The following AGBL4 variants were observed in gnomAD, a reference collection of about 807,000 sequenced individuals.
AGBL4 encodes the protein AGBL carboxypeptidase 4.
AGBL4 carries 58 observed loss-of-function variants against 66.4 expected under a neutral mutation model. The ratio of observed to expected loss-of-function variants is 0.87; its 90% CI spans 0.71 to 1.09. The LOEUF is 1.09. Ranked by LOEUF, AGBL4 falls within the 50% of genes least tolerant of loss-of-function variation. AGBL4 has a pLI of 0.00. For missense variants in AGBL4, 579 were observed against 631.0 expected (o/e 0.92, Z 0.88); for synonymous variants, 234 against 222.9 (o/e 1.05, Z -0.44).
At chr1:49,843,867 C>T (rs1646067555) in intron 2 of AGBL4, among the ~76,000 whole-genome samples, 1 of 152,148 alleles carries the variant, frequency 6.6e-6, no homozygotes, top group South Asian at 2.1e-4. Flanking sequence ...GGGCAGCATG[C>T]ACCCAGGTCA....
At chr1:49,435,042 A>G (rs1645872352) in intron 3 of AGBL4, among the ~76,000 whole-genome samples, 1 of 152,076 alleles carries the variant, frequency 6.6e-6, no homozygotes, top group South Asian at 2.1e-4. Flanking sequence ...TTCTTTTTAT[A>G]TGATTAACCT....
intron 2 of AGBL4, among the ~76,000 whole-genome samples, chr1:49,769,703 G>A (rs1161214145): frequency 1.3e-5 from 2 of 151,986 alleles, no homozygotes; most frequent in African/African-American, 2.4e-5. Flanking sequence ...CAACAAAAAC[G>A]ATGGGGACAG....
intron 1 of AGBL4, among the ~76,000 whole-genome samples, chr1:49,971,914 T>G (rs1406649638): frequency 0.013 from 1,172 of 91,530 alleles, 71 homozygotes; most frequent in Non-Finnish European, 0.021. Flanking sequence ...TGGGTTTTTT[T>G]TTTTTTTTTT....
At chr1:49,611,399 T>C (rs942923607) in intron 3 of AGBL4, among the ~76,000 whole-genome samples, 8 of 136,206 alleles carry the variant, frequency 5.9e-5, no homozygotes, top group African/African-American at 1.1e-4. Context: ...TTTTTTGAGA[T>C]GGAGTCGCAC....
intron 1 of AGBL4, among the ~76,000 whole-genome samples, chr1:49,976,524 TTCAGGTAAAACTG>T (rs1186539052): frequency 6.6e-6 from 1 of 152,160 alleles, no homozygotes; most frequent in Non-Finnish European, 1.5e-5. Context: ...ATCTTTGTAA[TTCAGGTAAAACTG>T]TCCTCAGTTT....
intron 3 of AGBL4, among the ~76,000 whole-genome samples, chr1:49,635,016 G>A (rs576858372): frequency 3.7e-4 from 57 of 152,220 alleles, no homozygotes; most frequent in African/African-American, 1.3e-3. Context: ...TTCCTTTGAG[G>A]GTATCTTATG....
At chr1:49,837,288 A>G (rs1301587669) in intron 2 of AGBL4, among the ~76,000 whole-genome samples, 1 of 152,206 alleles carries the variant, frequency 6.6e-6, no homozygotes, top group Non-Finnish European at 1.5e-5. Flanking sequence ...CAGTCTGGCT[A>G]TAGCCACTTT....
At chr1:49,076,534 G>A (rs1408830217) in intron 4 of AGBL4, among the ~76,000 whole-genome samples, 1 of 152,128 alleles carries the variant, frequency 6.6e-6, no homozygotes, top group Non-Finnish European at 1.5e-5. Context: ...TTCTGTGACT[G>A]TGTTTTAATA....
At chr1:49,943,796 G>GGGA (rs760092353) in intron 1 of AGBL4, among the ~76,000 whole-genome samples, 2 of 151,966 alleles carry the variant, frequency 1.3e-5, no homozygotes, top group Non-Finnish European at 2.9e-5. Context: ...CAGAATTCAG[G>GGGA]GGAGGGCATG....
intron 3 of AGBL4, among the ~76,000 whole-genome samples, chr1:49,303,402 G>C (rs1192324040): frequency 1.3e-5 from 2 of 151,632 alleles, no homozygotes; most frequent in African/African-American, 4.9e-5. Flanking sequence ...TTTCTCTAAT[G>C]ATCAGTGATG....
At chr1:48,567,912 C>T (rs1028198055) in intron 11 of AGBL4, among the ~76,000 whole-genome samples, 3 of 152,154 alleles carry the variant, frequency 2.0e-5, no homozygotes, top group African/African-American at 7.2e-5. Flanking sequence ...TTGGGTCACT[C>T]CAGGCCTTGT....
chr1:49,672,317 A>G (rs971489117), intron 3 of AGBL4, among the ~76,000 whole-genome samples: 1 of 151,550 alleles, frequency 6.6e-6, no homozygotes, highest in Non-Finnish European at 1.5e-5. Context: ...GGAACAGGAA[A>G]CAACAGACAC....
At chr1:48,555,475 C>T (rs1237191365) in intron 11 of AGBL4, among the ~76,000 whole-genome samples, 1 of 152,132 alleles carries the variant, frequency 6.6e-6, no homozygotes, top group African/African-American at 2.4e-5. Context: ...CATGCTGAGG[C>T]ATGATGATCC....
At chr1:48,921,277 C>T (rs1571004734) in intron 5 of AGBL4, among the ~76,000 whole-genome samples, 1 of 152,138 alleles carries the variant, frequency 6.6e-6, no homozygotes, top group Middle Eastern at 3.2e-3. Flanking sequence ...GGACCTTTGG[C>T]TGAAAATAGC....
At chr1:48,981,488 T>C (rs561110867) in intron 5 of AGBL4, among the ~76,000 whole-genome samples, 2 of 152,252 alleles carry the variant, frequency 1.3e-5, no homozygotes, top group East Asian at 3.9e-4. Context: ...GGTTTTTCAA[T>C]AGTGAGTGCC....
At chr1:48,925,513 T>G (rs180733072) in intron 5 of AGBL4, among the ~76,000 whole-genome samples, 13 of 152,134 alleles carry the variant, frequency 8.5e-5, no homozygotes, top group East Asian at 7.7e-4. Flanking sequence ...GAGATTTTTT[T>G]TGTGTTTTTT....
chr1:49,623,022 A>T (rs141041075), intron 3 of AGBL4, among the ~76,000 whole-genome samples: 120 of 151,868 alleles, frequency 7.9e-4, no homozygotes, highest in African/African-American at 2.6e-3. Context: ...CCACACACAC[A>T]CTCTCTCTCT....
At chr1:49,472,812 T>G (rs1328066378) in intron 3 of AGBL4, among the ~76,000 whole-genome samples, 1 of 151,986 alleles carries the variant, frequency 6.6e-6, no homozygotes, top group Non-Finnish European at 1.5e-5. Flanking sequence ...AGCCAATGCC[T>G]CACGCCTTTC....
At chr1:49,143,928 A>G (rs1646166190) in intron 4 of AGBL4, among the ~76,000 whole-genome samples, 1 of 152,198 alleles carries the variant, frequency 6.6e-6, no homozygotes, top group African/African-American at 2.4e-5. Context: ...AAATAGCCCC[A>G]ATGCTATTGA....
Sources: gnomAD v4.1 joint callset for allele counts (sites outside exome capture counted in the v4.1 genomes callset) on GRCh38, gnomAD v4.1.1 for gene constraint, MANE v1.5 for transcripts, NCBI Gene and HGNC (gene_info 2026-07-23, HGNC 2026-07-21) for gene names.